The following ILF2 variants were observed in gnomAD, a reference collection of about 807,000 sequenced individuals.
ILF2 encodes interleukin enhancer-binding factor 2.
In ILF2, 9 loss-of-function variants were observed where a neutral mutation model predicts 55.3. That is an observed-to-expected ratio of 0.16 (90% confidence interval 0.10 to 0.28). ILF2 has a LOEUF of 0.28. ILF2 is among the 10% of genes least tolerant of loss of function. The probability of loss-of-function intolerance (pLI) is 1.00; values close to 1 mark genes in which losing one functional copy is unlikely to be tolerated. For synonymous variants in ILF2, 151 were observed against 161.8 expected (o/e 0.93, Z 0.50); for missense variants, 266 against 474.9 (o/e 0.56, Z 4.09).
At chr1:153,665,406 G>C (rs372007721) in intron 7 of ILF2, 70 bp from the exon 8 acceptor site, 17 of 1,038,748 alleles carry the variant, frequency 1.6e-5, no homozygotes, top group South Asian at 3.9e-5. Flanking sequence ...AATCCAGGGT[G>C]GGGGGGAACA....
chr1:153,670,017 C>T, intron 2 of ILF2, 139 bp from the exon 3 acceptor site: 2 of 1,066,260 alleles, frequency 1.9e-6, no homozygotes, highest in Non-Finnish European at 2.9e-6. Context: ...TCATTCTTAG[C>T]ATAGTGGGGC....
At chr1:153,667,336 G>A in intron 6 of ILF2, 1 of 566,388 alleles carries the variant, frequency 1.8e-6, no homozygotes, top group Non-Finnish European at 3.1e-6. Flanking sequence ...AAATTAGCTG[G>A]GTGTGGTAGC....
intron 2 of ILF2, 22 bp downstream of exon 2, chr1:153,670,149 G>C (rs758673999): frequency 1.2e-6 from 2 of 1,611,436 alleles, no homozygotes; most frequent in East Asian, 2.2e-5. Flanking sequence ...CAAGTGCAGA[G>C]ATGCTAAAAG....
chr1:153,665,025 T>A (rs1442302416), intron 8 of ILF2, among the ~76,000 whole-genome samples, 195 bp downstream of exon 8: 2 of 152,244 alleles, frequency 1.3e-5, no homozygotes, highest in Non-Finnish European at 2.9e-5. Flanking sequence ...TCACCCCATC[T>A]GAAAATTCCA....
At chr1:153,663,339 ATTT>A in intron 10 of ILF2, 63 bp from the exon 11 acceptor site, 1 of 1,461,146 alleles carries the variant, frequency 6.8e-7, no homozygotes, top group Non-Finnish European at 9.6e-7. Context: ...CTAGAACTTT[ATTT>A]TTTAGAGACA....
chr1:153,669,301 T>A (rs1669387643), intron 3 of ILF2, among the ~76,000 whole-genome samples: 1 of 152,210 alleles, frequency 6.6e-6, no homozygotes, highest in South Asian at 2.1e-4. Context: ...TCACTATCTT[T>A]ATAGTAACAG....
Position 153,663,765 on chromosome 1 carries a change from C to T in ILF2, c.744+278G>A, listed in dbSNP as rs34448860. 2.9e-3 allele frequency among the ~76,000 whole-genome samples: 433 copies of T among 148,152 alleles called. 2 individuals carry two copies. Among genetic ancestry groups the T allele is most frequent in the Non-Finnish European group, 3.1e-3 (208 of 67,452 alleles). On this transcript the variant is annotated intron_variant, in intron 10 of 13. Coordinates refer to ENST00000361891, the MANE Select transcript of ILF2 (RefSeq NM_004515.4). ...AATGGTAGCAGTCATGAGAAGAAAA[C>T]GGGACACTATAACTCAGTAACTACT...
chr1:153,663,807 C>CAA (rs1181353516), intron 10 of ILF2, among the ~76,000 whole-genome samples: 16 of 80,312 alleles, frequency 2.0e-4, no homozygotes, highest in Non-Finnish European at 3.0e-4. Flanking sequence ...ATTGAATATA[C>CAA]AAAAAAAAAA....
At chr1:153,667,286 C>T (rs1007404600) in intron 6 of ILF2, 7 of 511,800 alleles carry the variant, frequency 1.4e-5, no homozygotes, top group South Asian at 9.2e-5. Context: ...GAGACCAGCC[C>T]GAGCAACACG....
chr1:153,667,256 T>C (rs1051653644), intron 6 of ILF2: 6 of 461,350 alleles, frequency 1.3e-5, no homozygotes, highest in East Asian at 3.3e-5. Context: ...GGTGGGCAGA[T>C]TGCTTGAGCT....
At chr1:153,665,871 G>A (rs746233487) in intron 6 of ILF2, 143 bp from the exon 7 acceptor site, 2 of 648,684 alleles carry the variant, frequency 3.1e-6, no homozygotes, top group Non-Finnish European at 5.2e-6. Flanking sequence ...ACTTTTATAA[G>A]AGAAAGCCAA....
At chr1:153,667,337 G>A (rs1669337146) in intron 6 of ILF2, 1 of 571,250 alleles carries the variant, frequency 1.8e-6, no homozygotes, top group Admixed American at 3.2e-5. Flanking sequence ...AATTAGCTGG[G>A]TGTGGTAGCA....
intron 6 of ILF2, among the ~76,000 whole-genome samples, chr1:153,666,719 C>T (rs1669317753): frequency 6.6e-6 from 1 of 152,180 alleles, no homozygotes; most frequent in South Asian, 2.1e-4. Context: ...GCCAGATATC[C>T]CCTGGGTGGC....
At chr1:153,667,945 A>G (rs988408516) in intron 5 of ILF2, 55 bp downstream of exon 5, 7 of 1,269,434 alleles carry the variant, frequency 5.5e-6, no homozygotes, top group Non-Finnish European at 7.9e-6. Flanking sequence ...GAGCCAAGGC[A>G]ATTTCCACAC....
In ILF2 at chr1:153,662,403, T is replaced by C. The variant is rs753904371; in HGVS notation, c.1166A>G (p.Gln389Arg). The C allele has an allele frequency of 6.2e-7, 1 of 1,614,000 alleles. No homozygotes were observed. Among genetic ancestry groups the C allele is most frequent in the South Asian group, 1.1e-5 (1 of 91,086 alleles). Residue 389 changes from glutamine (Q) to arginine (R), a missense_variant, in exon 14 of 14, where the codon CAG (glutamine) becomes CGG (arginine). Coordinates refer to ENST00000361891, the MANE Select transcript of ILF2 (RefSeq NM_004515.4). ...AAAGGAGTGAAGGGAATGTCACTCC[T>C]GAGTTTCCATGCTTTCTTCTTCCTC... ...QGEEEESMET[Q>R]E
At chr1:153,667,250 G>A (rs919115983) in intron 6 of ILF2, 1 of 458,306 alleles carries the variant, frequency 2.2e-6, no homozygotes, top group Non-Finnish European at 3.9e-6. Flanking sequence ...GGCTGAGGTG[G>A]GCAGATTGCT....
At position 153,668,091 on chromosome 1, in the gene ILF2, T is replaced by A; in HGVS notation, c.214-14A>T. The A allele has an allele frequency of 6.4e-7, 1 of 1,558,762 alleles. No individual in the cohort carries two copies. The highest frequency in any genetic ancestry group is 8.8e-7 in the Non-Finnish European group (1 of 1,139,962). Reference sequence around the variant, plus strand: ...AAGGATAGATGCCTGAAAAACAGTATGAAACAATACTTGAAAATGAAAAAT... The same window carrying A: ...AAGGATAGATGCCTGAAAAACAGTAAGAAACAATACTTGAAAATGAAAAAT... On this transcript the variant is annotated splice_polypyrimidine_tract_variant and intron_variant, in intron 4 of 13. Coordinates refer to ENST00000361891, the MANE Select transcript of ILF2 (RefSeq NM_004515.4).
At chr1:153,665,762 A>G in intron 6 of ILF2, 34 bp from the exon 7 acceptor site, 1 of 1,529,510 alleles carries the variant, frequency 6.5e-7, no homozygotes, top group South Asian at 1.2e-5. Context: ...TGTTATAATA[A>G]TTTATTTGCC....
intron 8 of ILF2, 59 bp from the exon 9 acceptor site, chr1:153,664,533 T>TA: frequency 7.7e-7 from 1 of 1,290,384 alleles, no homozygotes; most frequent in South Asian, 1.2e-5. Context: ...AGCTACTCAT[T>TA]ACCACTGCTA....
Sources: gnomAD v4.1 joint callset for allele counts (sites outside exome capture counted in the v4.1 genomes callset) on GRCh38, gnomAD v4.1.1 for gene constraint, MANE v1.5 for transcripts, NCBI Gene and HGNC (gene_info 2026-07-23, HGNC 2026-07-21) for gene names.